METTL15: variants seen among roughly 807,000 people sequenced by gnomAD.
The protein encoded by METTL15 is 12S rRNA N(4)-cytidine methyltransferase METTL15.
A neutral mutation model predicts 38.3 loss-of-function variants in METTL15; 34 were observed. The observed-to-expected ratio is 0.89, with a 90% CI of 0.68 to 1.18. The LOEUF (loss-of-function observed/expected upper bound fraction) is 1.18. Ranked by LOEUF, METTL15 falls within the 50% of genes most tolerant of loss-of-function variation. METTL15 has a pLI of 0.00. For missense variants in METTL15, 438 were observed against 498.4 expected, an observed-to-expected ratio of 0.88 and a Z score of 1.15; for synonymous variants, 162 against 170.9, an observed-to-expected ratio of 0.95 and a Z score of 0.41.
intron 3 of METTL15, among the ~76,000 whole-genome samples, chr11:28,200,422 T>C (rs1448185778): frequency 1.3e-5 from 2 of 152,178 alleles, no homozygotes; most frequent in African/African-American, 4.8e-5. Flanking sequence ...TGTTTAGCAT[T>C]GTGCTTGTCA....
intron 5 of METTL15, among the ~76,000 whole-genome samples, chr11:28,294,614 T>C (rs984405050): frequency 1.3e-4 from 20 of 152,148 alleles, no homozygotes; most frequent in Admixed American, 3.9e-4. Flanking sequence ...TAATTGTGTC[T>C]GTATTTTCTA....
chr11:28,429,385 C>CTCCCTA lies in METTL15; in HGVS notation c.*424+5026_*424+5027insATCCCT, dbSNP rs1399986865. Reference sequence around the variant, plus strand: ...TCTCCCTCTCCCTCTCCCTCTCCCTCTCCCTCTCCCCACGGTCTCCCTCTC... The same window carrying CTCCCTA: ...TCTCCCTCTCCCTCTCCCTCTCCCTCTCCCTATCCCTCTCCCCACGGTCTCCCTCTC... On this transcript the variant is annotated intron_variant and NMD_transcript_variant, in intron 6 of 7. Coordinates refer to the METTL15 transcript ENST00000532947. 2.4e-5 allele frequency among the ~76,000 whole-genome samples: 3 copies of CTCCCTA among 126,428 alleles called. No homozygotes were observed. In the Admixed American group the frequency reaches 2.6e-4, roughly 11 times the overall value. The allele number at this position is 126,428 out of a possible 152,430, so 82.9% of individuals were successfully genotyped here. A position where few individuals can be genotyped will look rare whatever the true frequency, so the allele number is the denominator to read the frequency against.
intron 6 of METTL15, among the ~76,000 whole-genome samples, chr11:28,469,467 T>C (rs938389418): frequency 6.6e-6 from 1 of 152,124 alleles, no homozygotes; most frequent in Non-Finnish European, 1.5e-5. Context: ...ATGCAATATA[T>C]TATTACTAAT....
intron 5 of METTL15, among the ~76,000 whole-genome samples, chr11:28,416,435 T>G (rs12295390): frequency 0.018 from 2,694 of 152,296 alleles, 52 homozygotes; most frequent in African/African-American, 0.051. Flanking sequence ...TGGGGCACCA[T>G]CTGGGGCTAG....
At chr11:28,362,580 A>G (rs539482632) in intron 5 of METTL15, among the ~76,000 whole-genome samples, 1 of 152,298 alleles carries the variant, frequency 6.6e-6, no homozygotes, top group East Asian at 1.9e-4. Context: ...AAGTGACAAC[A>G]TGGGTTATTT....
intron 3 of METTL15, among the ~76,000 whole-genome samples, chr11:28,195,939 C>T (rs562632919): frequency 2.0e-5 from 3 of 151,998 alleles, no homozygotes; most frequent in African/African-American, 7.2e-5. Flanking sequence ...ATTTTCATAC[C>T]ATTTCTTGAA....
chr11:28,339,369 A>T (rs1435231480), intron 3 of METTL15, among the ~76,000 whole-genome samples: 1 of 152,048 alleles, frequency 6.6e-6, no homozygotes, highest in Non-Finnish European at 1.5e-5. Context: ...AAAAGCTGAA[A>T]ACTATAAAAA....
At chr11:28,396,113 G>A (rs1224205301) in intron 5 of METTL15, among the ~76,000 whole-genome samples, 2 of 152,008 alleles carry the variant, frequency 1.3e-5, no homozygotes, top group Admixed American at 6.6e-5. Flanking sequence ...AATAAGAGCT[G>A]TTTATGACAA....
At chr11:28,137,951 C>T (rs142997055) in intron 3 of METTL15, among the ~76,000 whole-genome samples, 162 of 152,236 alleles carry the variant, frequency 1.1e-3, no homozygotes, top group African/African-American at 3.8e-3. Flanking sequence ...ATTTTCTAAT[C>T]TCCTAGTCAG....
intron 6 of METTL15, among the ~76,000 whole-genome samples, chr11:28,428,092 C>T (rs1850881342): frequency 6.6e-6 from 1 of 152,136 alleles, no homozygotes; most frequent in South Asian, 2.1e-4. Flanking sequence ...TGCTTAATGA[C>T]AGGGATACAT....
intron 5 of METTL15, among the ~76,000 whole-genome samples, chr11:28,371,263 G>A (rs948954655): frequency 2.0e-5 from 3 of 152,076 alleles, no homozygotes; most frequent in Non-Finnish European, 4.4e-5. Context: ...AGTTTTCATA[G>A]CATCATTTGT....
At chr11:28,310,917 G>GCTGCTGCTGCTGCTGC (rs1565244277) in intron 6 of METTL15, among the ~76,000 whole-genome samples, 2 of 55,270 alleles carry the variant, frequency 3.6e-5, no homozygotes, top group African/African-American at 6.9e-5. Context: ...GCTGCTGCTG[G>GCTGCTGCTGCTGCTGC]TGGTGGTGGT....
At chr11:28,269,668 C>T (rs1041258591) in intron 4 of METTL15, among the ~76,000 whole-genome samples, 8 of 152,092 alleles carry the variant, frequency 5.3e-5, no homozygotes, top group Non-Finnish European at 1.2e-4. Context: ...GCACTAGATT[C>T]TTTGGGAATT....
At chr11:28,154,462 A>C (rs1035830312) in intron 3 of METTL15, among the ~76,000 whole-genome samples, 2 of 152,252 alleles carry the variant, frequency 1.3e-5, no homozygotes, top group Middle Eastern at 3.4e-3. Flanking sequence ...GGGTATAGAT[A>C]AGCTCTAGTT....
chr11:28,529,928 G>C (rs1008006434), downstream of METTL15, among the ~76,000 whole-genome samples: 13 of 152,136 alleles, frequency 8.5e-5, no homozygotes, highest in Admixed American at 2.6e-4. Context: ...CAAGGGTTGT[G>C]ACAGCAGAAA....
chr11:28,298,689 A>T (rs999090145), intron 6 of METTL15, among the ~76,000 whole-genome samples: 1 of 152,120 alleles, frequency 6.6e-6, no homozygotes, highest in Non-Finnish European at 1.5e-5. Context: ...GATACAGTAA[A>T]AGTGAAAATA....
intron 6 of METTL15, among the ~76,000 whole-genome samples, chr11:28,489,928 C>G (rs1248614055): frequency 6.6e-6 from 1 of 152,088 alleles, no homozygotes; most frequent in Non-Finnish European, 1.5e-5. Context: ...CTTCTCTTTA[C>G]TGGTCACCCT....
intron 5 of METTL15, among the ~76,000 whole-genome samples, chr11:28,407,662 G>A (rs899124456): frequency 6.6e-6 from 1 of 152,140 alleles, no homozygotes; most frequent in Non-Finnish European, 1.5e-5. Context: ...AACAACAGAT[G>A]TTGGTGAGGC....
At position 28,117,948 on chromosome 11, in the gene METTL15, A is replaced by G. The variant is rs572336758; in HGVS notation, c.270+4344A>G. 2.9e-4 allele frequency among the ~76,000 whole-genome samples: 44 copies of G among 152,174 alleles called. No individual in the cohort carries two copies. The South Asian group carries it at 8.7e-3, about 30-fold the overall frequency. ...TGCATCAGTCACTTACTTACTTACT[A>G]TTACCTTTTTCTGCATCACCTTCAA... On this transcript the variant is annotated intron_variant, in intron 3 of 6. Transcript: ENST00000407364.
Sources: gnomAD v4.1 joint callset for allele counts (sites outside exome capture counted in the v4.1 genomes callset) on GRCh38, gnomAD v4.1.1 for gene constraint, MANE v1.5 for transcripts, NCBI Gene and HGNC (gene_info 2026-07-23, HGNC 2026-07-21) for gene names.